The following DENND5B variants were observed in gnomAD, a reference collection of about 807,000 sequenced individuals.
DENND5B encodes the protein DENN domain-containing protein 5B.
DENND5B carries 34 observed loss-of-function variants against 140.6 expected under a neutral mutation model. That is an observed-to-expected ratio of 0.24 (90% CI 0.18 to 0.32). The LOEUF is 0.32. Ranked by LOEUF, DENND5B falls within the 10% of genes least tolerant of loss-of-function variation. DENND5B has a pLI of 1.00. For synonymous variants in DENND5B, 551 were observed against 562.1 expected (o/e 0.98, Z 0.28); for missense variants, 1,142 against 1,560.2 (o/e 0.73, Z 4.52).
chr12:31,423,704 A>T, intron 10 of DENND5B, 29 bp from the exon 11 acceptor site: 2 of 1,594,320 alleles, frequency 1.3e-6, no homozygotes, highest in South Asian at 1.1e-5. Flanking sequence ...TAAAAATTTC[A>T]TAAGAAATAA....
chr12:31,479,491 GATC>G, intron 3 of DENND5B, 95 bp downstream of exon 3: 2 of 1,161,508 alleles, frequency 1.7e-6, no homozygotes, highest in East Asian at 5.4e-5. Context: ...AAAAGACTGT[GATC>G]ATTATTCGGT....
intron 8 of DENND5B, among the ~76,000 whole-genome samples, chr12:31,428,549 G>A (rs1054003568): frequency 1.3e-5 from 2 of 148,414 alleles, no homozygotes; most frequent in East Asian, 2.1e-4. Context: ...TTACAGGCAC[G>A]CGCCACCATG....
chr12:31,449,272 T>C (rs1944404929), intron 5 of DENND5B, among the ~76,000 whole-genome samples: 1 of 152,234 alleles, frequency 6.6e-6, no homozygotes, highest in Non-Finnish European at 1.5e-5. Flanking sequence ...CTTCTTAAAA[T>C]TTCCTTATAG....
intron 3 of DENND5B, among the ~76,000 whole-genome samples, chr12:31,469,332 C>CAA (rs572719010): frequency 0.011 from 1,151 of 106,030 alleles, 23 homozygotes; most frequent in African/African-American, 0.039. Context: ...GACTCCATCT[C>CAA]AAAAAAAAAA....
At chr12:31,526,784 G>A (rs746870256) in intron 1 of DENND5B, among the ~76,000 whole-genome samples, 3 of 152,178 alleles carry the variant, frequency 2.0e-5, no homozygotes, top group Admixed American at 6.5e-5. Context: ...TATGTGAAAC[G>A]TTAACATTTG....
Position 31,500,186 on chromosome 12 carries a change from G to A in DENND5B, c.128-4267C>T, listed in dbSNP as rs1165121681. On this transcript the variant is annotated intron_variant, in intron 1 of 20. Transcript: ENST00000389082. ...GAGCATTTTAGATCTCGGATTTTTG[G>A]ATTAGGAATGCTCAACCTAAAAAGT... Among the ~76,000 whole-genome samples, 4 of 152,086 alleles carry A rather than the reference G, an allele frequency of 2.6e-5. No homozygotes were observed. The East Asian group carries it at 7.7e-4, about 29-fold the overall frequency.
Position 31,479,846 on chromosome 12 carries a change from G to T in DENND5B, c.647C>A (p.Thr216Asn). ...KFLIQLYKAVTSQQPPPLPLE... is the reference protein window; with the variant it reads ...KFLIQLYKAVNSQQPPPLPLE... ...TGGCAAGGGTGGTGGCTGCTGTGAG[G>T]TAACAGCCTTGTAAAGCTGGATAAG... Residue 216 changes from threonine (T) to asparagine (N), a missense_variant, in exon 3 of 21, where the codon ACC (threonine) becomes AAC (asparagine). Coordinates refer to ENST00000389082, the MANE Select transcript of DENND5B (RefSeq NM_144973.4). 3.1e-6 allele frequency: 5 copies of T among 1,613,944 alleles called. No homozygotes were observed. Among genetic ancestry groups the T allele is most frequent in the Non-Finnish European group, 4.2e-6 (5 of 1,179,868 alleles).
chr12:31,570,331 C>T (rs1949776418), intron 1 of DENND5B, among the ~76,000 whole-genome samples: 1 of 148,496 alleles, frequency 6.7e-6, no homozygotes, highest in Admixed American at 6.7e-5. Context: ...GGCTGGAGTG[C>T]AGTGGCACGA....
At chr12:31,574,188 G>A (rs71455672) in intron 1 of DENND5B, among the ~76,000 whole-genome samples, 217 of 151,308 alleles carry the variant, frequency 1.4e-3, no homozygotes, top group Middle Eastern at 3.4e-3. Context: ...ACTTGAGCCC[G>A]GGAGATCGAG....
chr12:31,480,056 C>T lies in DENND5B; in HGVS notation c.437G>A (p.Ser146Asn). The T allele has an allele frequency of 1.2e-6, 2 of 1,614,022 alleles. No individual in the cohort carries two copies. The highest frequency in any genetic ancestry group is 1.7e-6 in the Non-Finnish European group (2 of 1,179,866). ...ACTGCAGGAAGATGAAGCATACACA[C>T]TGCTGTAATGCTCAGCGTTGTGCAT... ...YQMHNAEHYSSVYASSSCSMD... is the reference protein window; with the variant it reads ...YQMHNAEHYSNVYASSSCSMD... The change falls in exon 3 of 21, where the codon AGT becomes AAT. Residue 146 changes from serine (S) to asparagine (N), a missense_variant. By Grantham distance (46) the Ser-to-Asn change is conservative. This residue lies in a region of DENND5B where 708 missense variants were observed against 905.5 expected (regional missense o/e 0.78). Coordinates refer to ENST00000389082, the MANE Select transcript of DENND5B (RefSeq NM_144973.4).
chr12:31,505,181 T>G (rs997368391), intron 1 of DENND5B, among the ~76,000 whole-genome samples: 3 of 152,142 alleles, frequency 2.0e-5, no homozygotes. Context: ...CTGTCTACAT[T>G]GCTTGTTACA....
intron 5 of DENND5B, among the ~76,000 whole-genome samples, chr12:31,449,897 AT>A (rs1359114067): frequency 2.6e-5 from 4 of 151,682 alleles, no homozygotes; most frequent in Non-Finnish European, 4.4e-5. Flanking sequence ...CGCCCGGCTA[AT>A]TTTTTTGTAT....
intron 1 of DENND5B, among the ~76,000 whole-genome samples, chr12:31,524,108 G>C (rs539511443): frequency 6.9e-6 from 1 of 145,796 alleles, no homozygotes; most frequent in Admixed American, 7.0e-5. Context: ...AAGTGGTGAC[G>C]AATCAATTAA....
At chr12:31,456,013 C>T (rs914955877) in intron 4 of DENND5B, among the ~76,000 whole-genome samples, 3 of 149,774 alleles carry the variant, frequency 2.0e-5, no homozygotes, top group Admixed American at 6.7e-5. Flanking sequence ...AGTGAGACTC[C>T]GTCTCAAAAA....
At chr12:31,455,478 T>A (rs1274652322) in intron 4 of DENND5B, among the ~76,000 whole-genome samples, 1 of 152,292 alleles carries the variant, frequency 6.6e-6, no homozygotes, top group East Asian at 1.9e-4. Context: ...AACTGTGTTA[T>A]GAAAATGTAT....
chr12:31,464,179 C>A (rs1160953152), intron 3 of DENND5B, among the ~76,000 whole-genome samples: 1 of 152,158 alleles, frequency 6.6e-6, no homozygotes, highest in African/African-American at 2.4e-5. Context: ...GCACATGAGG[C>A]TCTTCATGAT....
rs2137987509 is a variant in DENND5B at position 31,442,948 on chromosome 12, A to G, written c.1862-23T>C. On this transcript the variant is annotated intron_variant, in intron 6 of 20. Transcript: ENST00000389082. ...GGGCTATAAATTAAATTTATAATAA[A>G]TTAGAGACATTTCATTGCTAGCCCT... 2.6e-6 allele frequency: 4 copies of G among 1,542,060 alleles called. No homozygotes were observed. In the South Asian group the frequency reaches 4.9e-5, roughly 19 times the overall value.
chr12:31,520,832 T>G (rs778151865), intron 1 of DENND5B, among the ~76,000 whole-genome samples: 11 of 124,330 alleles, frequency 8.8e-5, no homozygotes, highest in Non-Finnish European at 1.6e-4. Context: ...AGCTACATTT[T>G]AAAAATAGTT....
chr12:31,405,086 T>C (rs1046714022), intron 14 of DENND5B, among the ~76,000 whole-genome samples: 1 of 151,724 alleles, frequency 6.6e-6, no homozygotes, highest in Non-Finnish European at 1.5e-5. Context: ...ATTGTTCTTT[T>C]GTTGAGACAG....
Sources: gnomAD v4.1 joint callset for allele counts (sites outside exome capture counted in the v4.1 genomes callset) on GRCh38, gnomAD v4.1.1 for gene constraint, gnomAD v4.1.1 regional missense constraint, MANE v1.5 for transcripts, NCBI Gene and HGNC (gene_info 2026-07-23, HGNC 2026-07-21) for gene names.